The following OSBPL10 variants were observed in gnomAD, a reference collection of about 807,000 sequenced individuals.
OSBPL10 encodes oxysterol binding protein like 10.
Under a neutral mutation model 81.7 loss-of-function variants are expected in OSBPL10, and 49 were observed. That is an observed-to-expected ratio of 0.60 (90% confidence interval 0.48 to 0.76). OSBPL10 has a LOEUF of 0.76. Among genes scored for constraint, OSBPL10 ranks in the 30% least tolerant of loss-of-function variants. The pLI is 0.00. For missense variants in OSBPL10, 923 were observed against 987.8 expected (o/e 0.93, Z 0.88); for synonymous variants, 419 against 383.6 (o/e 1.09, Z -1.08).
chr3:31,866,052 A>C (rs542457509), intron 3 of OSBPL10, among the ~76,000 whole-genome samples: 27 of 152,142 alleles, frequency 1.8e-4, no homozygotes, highest in Middle Eastern at 3.4e-3. Context: ...ATATCAAAGC[A>C]CCTCTCCAAA....
At position 32,007,414 on chromosome 3, in the gene OSBPL10, G is replaced by T. The variant is rs181935002; in HGVS notation, n.298+39077C>A. Among the ~76,000 whole-genome samples the T allele has an allele frequency of 5.5e-4, 83 of 152,174 alleles. 1 individual carries two copies. Among genetic ancestry groups the T allele is most frequent in the African/African-American group, 1.8e-3 (76 of 41,508 alleles). ...ATAAATGTATTCTTTCACCATTCTG[G>T]AAGCCAGAAGTCTGAAATCAGTATC... On this transcript the variant is annotated intron_variant and non_coding_transcript_variant, in intron 2 of 3. Coordinates refer to the OSBPL10 transcript ENST00000479173.
intron 4 of OSBPL10, among the ~76,000 whole-genome samples, chr3:31,812,764 A>ACGAACTTCTCCAATAAC (rs1699726967): frequency 1.8e-5 from 1 of 56,194 alleles, no homozygotes; most frequent in South Asian, 8.5e-4. Flanking sequence ...GAAAGAAAGA[A>ACGAACTTCTCCAATAAC]AGAAAGAAAG....
intron 1 of OSBPL10, among the ~76,000 whole-genome samples, chr3:31,942,526 C>A (rs1462719490): frequency 8.2e-6 from 1 of 121,504 alleles, no homozygotes; most frequent in Non-Finnish European, 1.7e-5. Flanking sequence ...CAGGGTGAGA[C>A]TCCATCTCAA....
intron 6 of OSBPL10, chr3:31,710,756 A>G (rs1021495267): frequency 6.6e-6 from 1 of 152,254 alleles, no homozygotes; most frequent in Non-Finnish European, 1.5e-5. Context: ...CAGCTACTTG[A>G]GTTCTCCAGA....
At chr3:31,785,681 T>C (rs1373861604) in intron 4 of OSBPL10, among the ~76,000 whole-genome samples, 2 of 152,080 alleles carry the variant, frequency 1.3e-5, no homozygotes, top group Non-Finnish European at 2.9e-5. Context: ...CTGAACTAGA[T>C]TGCCTCGGCA....
At chr3:31,942,026 G>A (rs191850354) in intron 1 of OSBPL10, among the ~76,000 whole-genome samples, 1 of 152,288 alleles carries the variant, frequency 6.6e-6, no homozygotes, top group Admixed American at 6.5e-5. Flanking sequence ...TGTAATCCCA[G>A]CACTTTGGGA....
At chr3:31,988,266 T>G (rs2125518000) in intron 2 of OSBPL10, among the ~76,000 whole-genome samples, 1 of 152,286 alleles carries the variant, frequency 6.6e-6, no homozygotes, top group Middle Eastern at 3.4e-3. Flanking sequence ...GAGCTAAACT[T>G]ACTAACCTGA....
intron 2 of OSBPL10, among the ~76,000 whole-genome samples, chr3:32,006,729 T>C (rs1320933693): frequency 1.3e-5 from 2 of 152,224 alleles, no homozygotes; most frequent in African/African-American, 4.8e-5. Context: ...CAAGTTCTCA[T>C]GTACACAGCT....
chr3:31,694,657 ATTTC>A lies in OSBPL10; in HGVS notation c.1245+7698_1245+7701del, dbSNP rs138740805. On this transcript the variant is annotated intron_variant, in intron 7 of 11. Coordinates refer to ENST00000396556, the MANE Select transcript of OSBPL10 (RefSeq NM_017784.5). Reference sequence around the variant, plus strand: ...GATTTAGAAGGTCTAAAATAAGGTCATTTCTTTCTTTGATTAGTAACAACTTAAA... The same window carrying A: ...GATTTAGAAGGTCTAAAATAAGGTCATTTCTTTGATTAGTAACAACTTAAA... Among the ~76,000 whole-genome samples the A allele has an allele frequency of 9.5e-3, 1,439 of 152,272 alleles. 25 individuals carry two copies. Among genetic ancestry groups the A allele is most frequent in the African/African-American group, 0.033 (1,351 of 41,546 alleles).
chr3:31,937,572 G>T (rs72852937), intron 1 of OSBPL10, among the ~76,000 whole-genome samples: 9,681 of 152,012 alleles, frequency 0.064, 632 homozygotes, highest in African/African-American at 0.16. Context: ...TTTCAGTCCT[G>T]TCCAAAGTTC....
At chr3:31,764,606 G>A (rs1698144974) in intron 4 of OSBPL10, among the ~76,000 whole-genome samples, 1 of 152,180 alleles carries the variant, frequency 6.6e-6, no homozygotes, top group Non-Finnish European at 1.5e-5. Context: ...CCTTTTCATT[G>A]CCCCTAGTTT....
chr3:31,939,388 C>G (rs1697475190), intron 1 of OSBPL10, among the ~76,000 whole-genome samples: 2 of 151,780 alleles, frequency 1.3e-5, no homozygotes, highest in South Asian at 4.2e-4. Context: ...TGTGACCTAC[C>G]CGCCCTAGCT....
At chr3:31,671,667 T>C (rs149116024) in intron 8 of OSBPL10, among the ~76,000 whole-genome samples, 38 of 152,334 alleles carry the variant, frequency 2.5e-4, no homozygotes, top group African/African-American at 8.9e-4. Context: ...TAACACTTAC[T>C]GCCCACGCAC....
intron 1 of OSBPL10, among the ~76,000 whole-genome samples, chr3:31,897,443 C>T (rs939288706): frequency 4.0e-5 from 6 of 151,886 alleles, no homozygotes; most frequent in African/African-American, 7.3e-5. Flanking sequence ...TTCCACAGAA[C>T]GAACAAGGAA....
At chr3:31,871,561 G>A (rs1232604486) in intron 3 of OSBPL10, among the ~76,000 whole-genome samples, 1 of 152,158 alleles carries the variant, frequency 6.6e-6, no homozygotes, top group East Asian at 1.9e-4. Context: ...AGTTTCCTAA[G>A]ACCACCCACT....
chr3:31,890,483 G>C lies in OSBPL10; in HGVS notation c.282-10653C>G, dbSNP rs149700208. Among the ~76,000 whole-genome samples the C allele has an allele frequency of 7.1e-3, 1,075 of 152,206 alleles. 12 individuals are homozygous for C. Among genetic ancestry groups the C allele is most frequent in the African/African-American group, 0.024 (1,001 of 41,522 alleles). On this transcript the variant is annotated intron_variant, in intron 1 of 11. Transcript: ENST00000396556. ...CATTATGAAGGTGCTCACTTGAGCA[G>C]AGGGGCTCCAGGGGCCAGGCTGAGT...
intron 1 of OSBPL10, among the ~76,000 whole-genome samples, chr3:31,957,131 T>A (rs151088058): frequency 6.6e-6 from 1 of 152,184 alleles, no homozygotes; most frequent in Non-Finnish European, 1.5e-5. Context: ...TGAGGCCCTG[T>A]CTCAAAAAAT....
Position 31,850,099 on chromosome 3 carries a change from A to T in OSBPL10, c.538-19868T>A, listed in dbSNP as rs1245358211. 2.6e-5 allele frequency among the ~76,000 whole-genome samples: 4 copies of T among 152,272 alleles called. No homozygotes were observed. The East Asian group carries it at 7.7e-4, about 29-fold the overall frequency. On this transcript the variant is annotated intron_variant, in intron 3 of 11. Transcript: ENST00000396556. ...AGAGTAATTTGAACCCAGGAGGTGG[A>T]GGTTGCAGTGAGCCGAGGTCACGCC...
chr3:31,736,064 C>T (rs1293534863), intron 5 of OSBPL10, among the ~76,000 whole-genome samples: 3 of 151,962 alleles, frequency 2.0e-5, no homozygotes, highest in Non-Finnish European at 2.9e-5. Context: ...AAATAAAAAA[C>T]GGCCAAAAGA....
Sources: allele counts gnomAD v4.1 joint callset (sites outside exome capture counted in the v4.1 genomes callset), GRCh38; gene constraint gnomAD v4.1.1; transcripts MANE v1.5; gene names NCBI Gene and HGNC (gene_info 2026-07-23, HGNC 2026-07-21).